IQCJ: variants seen among roughly 807,000 people sequenced by gnomAD.
IQCJ encodes the protein IQ motif containing J.
Under a neutral mutation model 11.0 loss-of-function variants are expected in IQCJ, and 9 were observed. The observed-to-expected ratio is 0.82, with a 90% CI of 0.49 to 1.43. IQCJ has a LOEUF of 1.43. IQCJ is among the 40% of genes most tolerant of loss of function. IQCJ has a pLI of 0.00. For missense variants in IQCJ, 146 were observed against 133.2 expected (o/e 1.10, Z -0.47); for synonymous variants, 55 against 51.3 (o/e 1.07, Z -0.31).
At chr3:159,171,038 A>G (rs1045997370) in intron 1 of IQCJ, among the ~76,000 whole-genome samples, 4 of 152,122 alleles carry the variant, frequency 2.6e-5, no homozygotes, top group Admixed American at 2.0e-4. Context: ...TAATCGGCCA[A>G]TTCTTTAAAA....
At chr3:159,156,545 T>G (rs1224700977) in intron 1 of IQCJ, among the ~76,000 whole-genome samples, 2 of 152,170 alleles carry the variant, frequency 1.3e-5, no homozygotes, top group Non-Finnish European at 2.9e-5. Context: ...GTTGGTGAAA[T>G]GAGCAGATGA....
intron 1 of IQCJ, among the ~76,000 whole-genome samples, chr3:159,196,612 C>T (rs4020070): frequency 0.68 from 103,239 of 152,134 alleles, 35,695 homozygotes; most frequent in African/African-American, 0.8. Context: ...CACTTGGCTT[C>T]CTTTCCTCTC....
chr3:159,195,219 A>G (rs1723915502), intron 1 of IQCJ, among the ~76,000 whole-genome samples: 7 of 152,082 alleles, frequency 4.6e-5, no homozygotes, highest in African/African-American at 2.4e-5. Flanking sequence ...ATCCAGTCCT[A>G]CATACTGTGC....
intron 1 of IQCJ, among the ~76,000 whole-genome samples, chr3:159,180,585 G>A (rs912123490): frequency 1.3e-5 from 2 of 151,902 alleles, no homozygotes; most frequent in African/African-American, 4.9e-5. Context: ...TAATTGGATG[G>A]AGAGAGATAG....
chr3:159,194,460 G>A (rs1412494711), intron 1 of IQCJ, among the ~76,000 whole-genome samples: 1 of 152,128 alleles, frequency 6.6e-6, no homozygotes, highest in Non-Finnish European at 1.5e-5. Context: ...TGCTGTAAGG[G>A]AGCCCAACAC....
intron 1 of IQCJ, among the ~76,000 whole-genome samples, chr3:159,076,180 G>A (rs1051602122): frequency 3.3e-5 from 5 of 152,066 alleles, no homozygotes; most frequent in African/African-American, 4.8e-5. Flanking sequence ...CAGTGTGGGA[G>A]TCCATCTGCT....
At chr3:159,168,959 G>A (rs1427362315) in intron 1 of IQCJ, among the ~76,000 whole-genome samples, 1 of 135,596 alleles carries the variant, frequency 7.4e-6, no homozygotes, top group East Asian at 2.2e-4. Flanking sequence ...TTCTCATGAC[G>A]ATGAAGACAT....
rs1418997186 is a variant in IQCJ, at chr3:159,245,886, A to T, written c.53A>T (p.Asp18Val). Residue 18 changes from aspartate to valine, a missense_variant, in exon 2 of 4, where the codon GAT becomes GTT. Transcript: ENST00000397832. Reference protein sequence around the residue: ...RLQNPLEQVNDGKYSFENHQL... With the variant: ...RLQNPLEQVNVGKYSFENHQL... ...CAGAATCCTCTAGAACAAGTTAATG[A>T]TGGAAAATATTCATTTGAAAAGTAA... 9 of 1,543,380 alleles carry T rather than the reference A, an allele frequency of 5.8e-6. No homozygotes were observed. In the South Asian group the frequency reaches 1.1e-4, roughly 18 times the overall value.
chr3:159,072,476 C>G (rs1002133980), intron 1 of IQCJ, among the ~76,000 whole-genome samples: 1 of 151,616 alleles, frequency 6.6e-6, no homozygotes, highest in Non-Finnish European at 1.5e-5. Context: ...AAGAGGAAAT[C>G]AAATTTAAAA....
At chr3:159,072,445 G>C (rs929940694) in intron 1 of IQCJ, among the ~76,000 whole-genome samples, 1 of 152,008 alleles carries the variant, frequency 6.6e-6, no homozygotes, top group Non-Finnish European at 1.5e-5. Flanking sequence ...ATTGTATGGA[G>C]AGAGGAGCCG....
At chr3:159,161,796 C>T (rs1721875479) in intron 1 of IQCJ, among the ~76,000 whole-genome samples, 1 of 152,074 alleles carries the variant, frequency 6.6e-6, no homozygotes, top group African/African-American at 2.4e-5. Flanking sequence ...GAATCCTTTC[C>T]TCATTGCTTG....
Position 159,262,605 on chromosome 3 carries a change from C to T in IQCJ, c.213C>T (p.Ser71=). The change falls in exon 4 of 4, where the codon AGC becomes AGT. Residue 71 remains serine (S), a synonymous_variant. Coordinates refer to ENST00000397832, the MANE Select transcript of IQCJ (RefSeq NM_001042706.3). ...GGCAGGAGCCCCTGGGGAAGAGGAG[C>T]CCGTCCCCACCCTCTGTCTCCTCAG... is the stretch of plus-strand genomic sequence containing the variant. ...LQRQEPLGKR[S]PSPPSVSSEK... is the part of the protein sequence containing the mutation. 1 of 1,613,926 alleles carries T rather than the reference C, an allele frequency of 6.2e-7. No homozygotes were observed. Among genetic ancestry groups the T allele is most frequent in the Admixed American group, 1.7e-5 (1 of 60,026 alleles).
intron 1 of IQCJ, among the ~76,000 whole-genome samples, chr3:159,158,263 T>C (rs555410319): frequency 3.9e-5 from 6 of 152,336 alleles, no homozygotes; most frequent in Admixed American, 3.9e-4. Context: ...GGCTGATGTA[T>C]CTTACAGAGC....
chr3:159,127,999 G>A (rs898262991), intron 1 of IQCJ, among the ~76,000 whole-genome samples: 1 of 152,150 alleles, frequency 6.6e-6, no homozygotes, highest in African/African-American at 2.4e-5. Flanking sequence ...TATTTAAAAA[G>A]AGGCCTCAGT....
intron 3 of IQCJ, among the ~76,000 whole-genome samples, chr3:159,262,317 A>C (rs1728259459): frequency 6.6e-6 from 1 of 152,232 alleles, no homozygotes; most frequent in African/African-American, 2.4e-5. Context: ...AGGCCGGTTG[A>C]GTGCAGTCAA....
At chr3:159,134,863 A>G (rs1403218810) in intron 1 of IQCJ, among the ~76,000 whole-genome samples, 1 of 152,212 alleles carries the variant, frequency 6.6e-6, no homozygotes, top group African/African-American at 2.4e-5. Flanking sequence ...TTCAGCATGA[A>G]TTGCATTTTC....
intron 1 of IQCJ, among the ~76,000 whole-genome samples, chr3:159,185,278 A>G (rs1560017504): frequency 6.6e-6 from 1 of 152,140 alleles, no homozygotes; most frequent in Admixed American, 6.6e-5. Flanking sequence ...TGCCCCTTCC[A>G]TATCTCACAG....
intron 1 of IQCJ, among the ~76,000 whole-genome samples, chr3:159,176,360 T>G (rs1034354812): frequency 6.6e-6 from 1 of 152,112 alleles, no homozygotes; most frequent in Non-Finnish European, 1.5e-5. Flanking sequence ...CCTTAGAAAT[T>G]GATATACCCA....
At chr3:159,229,327 C>G (rs576232427) in intron 1 of IQCJ, among the ~76,000 whole-genome samples, 276 of 151,966 alleles carry the variant, frequency 1.8e-3, no homozygotes, top group Non-Finnish European at 3.5e-3. Context: ...CACTTTCAAG[C>G]TCCATTGTCA....
Sources: gnomAD v4.1 joint callset for allele counts (sites outside exome capture counted in the v4.1 genomes callset) on GRCh38, gnomAD v4.1.1 for gene constraint, MANE v1.5 for transcripts, NCBI Gene and HGNC (gene_info 2026-07-23, HGNC 2026-07-21) for gene names.